GRIK2: variants seen among roughly 807,000 people sequenced by gnomAD.
GRIK2 encodes the protein glutamate receptor ionotropic, kainate 2.
Under a neutral mutation model 100.3 loss-of-function variants are expected in GRIK2, and 32 were observed. The observed-to-expected ratio is 0.32, with a 90% CI of 0.24 to 0.43. The LOEUF (loss-of-function observed/expected upper bound fraction) is 0.43. Ranked by LOEUF, GRIK2 falls within the 20% of genes least tolerant of loss-of-function variation. The probability of loss-of-function intolerance (pLI) is 1.00; values close to 1 mark genes in which losing one functional copy is unlikely to be tolerated. For synonymous variants in GRIK2, 417 were observed against 389.4 expected (o/e 1.07, Z -0.83); for missense variants, 843 against 1,114.9 (o/e 0.76, Z 3.47).
chr6:101,563,265 T>A (rs1777109455), intron 2 of GRIK2, among the ~76,000 whole-genome samples: 1 of 152,204 alleles, frequency 6.6e-6, no homozygotes, highest in African/African-American at 2.4e-5. Flanking sequence ...TTAAGTATCT[T>A]ATAATGATAA....
chr6:101,673,680 C>A (rs1000243981), intron 4 of GRIK2, among the ~76,000 whole-genome samples: 3 of 152,076 alleles, frequency 2.0e-5, no homozygotes, highest in Non-Finnish European at 4.4e-5. Flanking sequence ...GAATAATTTC[C>A]CCTGAGTCCT....
intron 15 of GRIK2, among the ~76,000 whole-genome samples, chr6:102,048,729 A>T (rs998002995): frequency 6.6e-6 from 1 of 152,132 alleles, no homozygotes; most frequent in African/African-American, 2.4e-5. Context: ...AAGAAATGTA[A>T]TATTATTAGT....
At chr6:101,482,789 G>A (rs935583230) in intron 2 of GRIK2, among the ~76,000 whole-genome samples, 2 of 152,084 alleles carry the variant, frequency 1.3e-5, no homozygotes, top group African/African-American at 2.4e-5. Flanking sequence ...GTATGACTTA[G>A]GATGTAGTGG....
intron 7 of GRIK2, among the ~76,000 whole-genome samples, chr6:101,735,236 G>A (rs1185298757): frequency 6.6e-6 from 1 of 152,148 alleles, no homozygotes; most frequent in Non-Finnish European, 1.5e-5. Context: ...AGCGATAAAG[G>A]ATCTGATGAA....
rs577942680 is a variant in GRIK2 at position 101,604,112 on chromosome 6, C to T, written c.116-17837C>T. On this transcript the variant is annotated intron_variant, in intron 2 of 16. Coordinates refer to ENST00000369134, the MANE Select transcript of GRIK2 (RefSeq NM_021956.5). ...CTAGCACTGTACTAAAATTAAAATT[C>T]TTTCGAGGATTTATCTTTGTTAGGA... Among the ~76,000 whole-genome samples, 342 of 151,594 alleles carry T rather than the reference C, an allele frequency of 2.3e-3. 2 individuals carry two copies. Among genetic ancestry groups the T allele is most frequent in the African/African-American group, 7.8e-3 (324 of 41,480 alleles).
chr6:101,432,116 C>G (rs1769441516), intron 2 of GRIK2, among the ~76,000 whole-genome samples: 1 of 152,188 alleles, frequency 6.6e-6, no homozygotes, highest in Non-Finnish European at 1.5e-5. Context: ...GCCCTGCTCC[C>G]TGCAGATACC....
At chr6:101,459,354 A>G (rs1424701149) in intron 2 of GRIK2, among the ~76,000 whole-genome samples, 3 of 152,224 alleles carry the variant, frequency 2.0e-5, no homozygotes, top group African/African-American at 7.2e-5. Flanking sequence ...TCTGATGTGA[A>G]GAAACCATTT....
intron 1 of GRIK2, among the ~76,000 whole-genome samples, chr6:101,397,898 G>T (rs972788461): frequency 2.6e-5 from 4 of 151,734 alleles, no homozygotes; most frequent in Non-Finnish European, 5.9e-5. Context: ...ATACAAGTTA[G>T]TTTTACTTAG....
intron 2 of GRIK2, among the ~76,000 whole-genome samples, chr6:101,428,723 A>C (rs1349727393): frequency 6.6e-6 from 1 of 152,208 alleles, no homozygotes; most frequent in Non-Finnish European, 1.5e-5. Context: ...CATAGAGTTT[A>C]AAAGCAAAGG....
At chr6:101,510,517 T>G (rs56040922) in intron 2 of GRIK2, among the ~76,000 whole-genome samples, 2,150 of 66,662 alleles carry the variant, frequency 0.032, 55 homozygotes, top group Middle Eastern at 0.041. Flanking sequence ...GGAGTTTTTT[T>G]TTTTTTTTTT....
intron 2 of GRIK2, among the ~76,000 whole-genome samples, chr6:101,456,503 C>A (rs181957031): frequency 6.6e-6 from 1 of 151,902 alleles, no homozygotes; most frequent in South Asian, 2.1e-4. Flanking sequence ...AGTAAAACAA[C>A]CAGTAATTAT....
At chr6:101,903,188 G>C (rs1429246129) in intron 12 of GRIK2, among the ~76,000 whole-genome samples, 1 of 151,774 alleles carries the variant, frequency 6.6e-6, no homozygotes, top group Non-Finnish European at 1.5e-5. Flanking sequence ...GAATTATTTT[G>C]CTTAGATCGC....
rs533536231 is a variant in GRIK2 at position 101,881,859 on chromosome 6, AT to A, written c.1525-7780del. 1.4e-4 allele frequency among the ~76,000 whole-genome samples: 21 copies of A among 152,218 alleles called. No homozygotes were observed. The South Asian group carries it at 4.1e-3, about 30-fold the overall frequency. ...CAGAGCAAGACCCTGTCCCTAAAAA[AT>A]AAATAAATAAGTAAATAAATTTGTC... On this transcript the variant is annotated intron_variant, in intron 11 of 16. Coordinates refer to ENST00000369134, the MANE Select transcript of GRIK2 (RefSeq NM_021956.5).
intron 7 of GRIK2, among the ~76,000 whole-genome samples, chr6:101,777,124 A>G (rs964916487): frequency 7.9e-5 from 12 of 152,230 alleles, no homozygotes; most frequent in Non-Finnish European, 1.8e-4. Flanking sequence ...GAGTAATACA[A>G]AGAGCCAGCA....
rs185143717 is a variant in GRIK2, at chr6:101,882,700, A to G, written c.1525-6940A>G. ...ACTTGGTTTGGTGAAAATGAACTAA[A>G]TTAATATTTCTAAAACATAAGTTTA... On this transcript the variant is annotated intron_variant, in intron 11 of 16. Transcript: ENST00000369134. Among the ~76,000 whole-genome samples, 17 of 152,276 alleles carry G rather than the reference A, an allele frequency of 1.1e-4. 1 individual carries two copies. The highest frequency in any genetic ancestry group is 9.8e-4 in the Admixed American group (15 of 15,272).
chr6:101,935,105 C>T (rs543525917), intron 14 of GRIK2, among the ~76,000 whole-genome samples: 1 of 151,826 alleles, frequency 6.6e-6, no homozygotes, highest in Non-Finnish European at 1.5e-5. Context: ...CAGGTTATGT[C>T]TTTTAGTTTG....
intron 4 of GRIK2, among the ~76,000 whole-genome samples, chr6:101,645,071 C>T (rs1781455631): frequency 6.6e-6 from 1 of 151,078 alleles, no homozygotes; most frequent in Admixed American, 6.6e-5. Context: ...TGTTTAGCCC[C>T]TGAGACATGT....
intron 9 of GRIK2, among the ~76,000 whole-genome samples, chr6:101,813,750 G>A (rs896778788): frequency 1.3e-5 from 2 of 152,046 alleles, no homozygotes; most frequent in East Asian, 1.9e-4. Context: ...GATCACCTGA[G>A]GTCAGGAGTT....
At chr6:101,697,027 T>C (rs1772539207) in intron 7 of GRIK2, among the ~76,000 whole-genome samples, 2 of 152,016 alleles carry the variant, frequency 1.3e-5, no homozygotes, top group Admixed American at 1.3e-4. Flanking sequence ...TGAATCTCAT[T>C]CCCAAACCTC....
Sources: allele counts gnomAD v4.1 joint callset (sites outside exome capture counted in the v4.1 genomes callset), GRCh38; gene constraint gnomAD v4.1.1; transcripts MANE v1.5; gene names NCBI Gene and HGNC (gene_info 2026-07-23, HGNC 2026-07-21).